ZMYM4: variants seen among roughly 807,000 people sequenced by gnomAD.
ZMYM4 encodes the protein zinc finger MYM-type containing 4.
Under a neutral mutation model 183.2 loss-of-function variants are expected in ZMYM4, and 31 were observed. The ratio of observed to expected loss-of-function variants is 0.17; its 90% CI spans 0.13 to 0.23. The LOEUF (loss-of-function observed/expected upper bound fraction) is 0.23. Among genes scored for constraint, ZMYM4 ranks in the 10% least tolerant of loss-of-function variants. ZMYM4 has a pLI of 1.00. For synonymous variants in ZMYM4, 592 were observed against 631.2 expected, an observed-to-expected ratio of 0.94 and a Z score of 0.93; for missense variants, 1,273 against 1,840.3, an observed-to-expected ratio of 0.69 and a Z score of 5.64.
At chr1:35,323,305 C>A (rs1032535886) in intron 1 of ZMYM4, among the ~76,000 whole-genome samples, 1 of 151,868 alleles carries the variant, frequency 6.6e-6, no homozygotes, top group African/African-American at 2.4e-5. Flanking sequence ...CCCGGCTGGA[C>A]AACTCCTTTG....
intron 5 of ZMYM4, among the ~76,000 whole-genome samples, chr1:35,367,428 C>T (rs1644112100): frequency 6.6e-6 from 1 of 151,902 alleles, no homozygotes. Flanking sequence ...AGGGTTTCAC[C>T]ATGTTGGCCA....
chr1:35,278,811 G>A (rs950353788), intron 1 of ZMYM4, among the ~76,000 whole-genome samples: 1 of 152,180 alleles, frequency 6.6e-6, no homozygotes, highest in African/African-American at 2.4e-5. Context: ...AATTAGGTAA[G>A]AGTATGGACT....
intron 7 of ZMYM4, 100 bp downstream of exon 7, chr1:35,370,727 CT>C (rs3066096): frequency 0.073 from 20,516 of 280,278 alleles, 11 homozygotes; most frequent in East Asian, 0.17. Flanking sequence ...ACATTTATTC[CT>C]TTTTTTTTTT....
chr1:35,300,550 A>G (rs956998601), intron 1 of ZMYM4, among the ~76,000 whole-genome samples: 2 of 152,140 alleles, frequency 1.3e-5, no homozygotes, highest in African/African-American at 2.4e-5. Context: ...TTATATGTAT[A>G]TTATATCACT....
chr1:35,307,539 A>ATTT (rs762414783), intron 1 of ZMYM4, among the ~76,000 whole-genome samples: 88 of 141,150 alleles, frequency 6.2e-4, no homozygotes, highest in Middle Eastern at 3.6e-3. Context: ...TATTATTATT[A>ATTT]TTATTTTTTT....
chr1:35,334,816 G>T (rs1229469315), intron 2 of ZMYM4, among the ~76,000 whole-genome samples: 1 of 152,004 alleles, frequency 6.6e-6, no homozygotes, highest in Admixed American at 6.6e-5. Context: ...CTCCCTTTTT[G>T]TGTCATCTTG....
rs144728410 is a variant in ZMYM4, at chr1:35,301,375, C to A, written c.40-23985C>A. 4.8e-3 allele frequency among the ~76,000 whole-genome samples: 725 copies of A among 152,046 alleles called. 22 individuals are homozygous for A. Among genetic ancestry groups the A allele is most frequent in the Admixed American group, 0.043 (660 of 15,250 alleles). On this transcript the variant is annotated intron_variant, in intron 1 of 29. Coordinates refer to ENST00000314607, the MANE Select transcript of ZMYM4 (RefSeq NM_005095.3). ...CAGCCTGGCCAACATGGTGAAACCT[C>A]GTCTCTACTAAAAGTACAAAATTAG...
chr1:35,347,946 G>A (rs1284869358), intron 2 of ZMYM4, among the ~76,000 whole-genome samples: 1 of 152,138 alleles, frequency 6.6e-6, no homozygotes, highest in Non-Finnish European at 1.5e-5. Context: ...ACAGTGATGT[G>A]CTTCAGTTTT....
rs1386837467 is a variant in ZMYM4 at position 35,419,835 on chromosome 1, A to G, written c.*158A>G. ...GTGAACCCCACAGTGTGGATGTGCA[A>G]ATGAAAATTGAAGGAAAGAATATGA... is the stretch of plus-strand genomic sequence containing the variant. On this transcript the variant is annotated 3_prime_UTR_variant, in exon 30 of 30. Transcript: ENST00000314607. The G allele has an allele frequency of 1.0e-5, 7 of 691,278 alleles. No homozygotes were observed. The highest frequency in any genetic ancestry group is 1.4e-5 in the Non-Finnish European group (6 of 416,336). The allele number at this position is 691,278 out of a possible 1,614,324, so 42.8% of individuals were successfully genotyped here.
chr1:35,334,137 G>A (rs1467655664), intron 2 of ZMYM4, among the ~76,000 whole-genome samples: 1 of 151,736 alleles, frequency 6.6e-6, no homozygotes, highest in Admixed American at 6.6e-5. Context: ...GCAACATGGC[G>A]AAACTCCATC....
In ZMYM4 at chr1:35,358,954, G is replaced by C; in HGVS notation, c.115G>C (p.Glu39Gln). 1 of 1,613,194 alleles carries C rather than the reference G, an allele frequency of 6.2e-7. No homozygotes were observed. The highest frequency in any genetic ancestry group is 8.5e-7 in the Non-Finnish European group (1 of 1,179,456). Reference protein sequence around the residue: ...CGGIMDTEMSEDIDHNLTPTL... With the variant: ...CGGIMDTEMSQDIDHNLTPTL... ...TGGTATCATGGATACAGAAATGTCT[G>C]AAGATATAGACCACAACTTAACTCC... The change falls in exon 3 of 30, where the codon GAA becomes CAA. Residue 39 changes from glutamate (E) to glutamine (Q), a missense_variant. Around this residue, in one of 6 missense-constraint regions of ZMYM4, gnomAD observed 384 missense variants for 465.6 expected, o/e 0.82. Transcript: ENST00000314607.
chr1:35,324,269 C>A (rs1642413677), intron 1 of ZMYM4, among the ~76,000 whole-genome samples: 1 of 151,764 alleles, frequency 6.6e-6, no homozygotes. Flanking sequence ...TTATCTTTTC[C>A]AACTTTTTGT....
At chr1:35,338,381 C>T (rs1188796814) in intron 2 of ZMYM4, among the ~76,000 whole-genome samples, 2 of 152,148 alleles carry the variant, frequency 1.3e-5, no homozygotes, top group Non-Finnish European at 2.9e-5. Flanking sequence ...GATCCTGCAA[C>T]CAAGCGTGGA....
At position 35,381,392 on chromosome 1, in the gene ZMYM4, A is replaced by G. The variant is rs749340362; in HGVS notation, c.1315A>G (p.Ser439Gly). 3 of 1,611,300 alleles carry G rather than the reference A, an allele frequency of 1.9e-6. No homozygotes were observed. Among genetic ancestry groups the G allele is most frequent in the Admixed American group, 1.7e-5 (1 of 59,450 alleles). ...KKPIVTINTN[S>G]ISTKCSMCQK... is the part of the protein sequence containing the mutation. ...ACCTATTGTTACCATAAATACAAATAGTATTTCAACCAAATGCAGCATGTG... is the reference window on the plus strand; with the variant it reads ...ACCTATTGTTACCATAAATACAAATGGTATTTCAACCAAATGCAGCATGTG... Residue 439 changes from serine to glycine, a missense_variant, in exon 8 of 30, where the codon AGT becomes GGT. By Grantham distance (56) the Ser-to-Gly change is moderately conservative (BLOSUM62 0). Transcript: ENST00000314607.
At position 35,418,639 on chromosome 1, in the gene ZMYM4, C is replaced by T. The variant is rs1640216035; in HGVS notation, c.4439+67C>T. 9.5e-6 allele frequency: 15 copies of T among 1,581,420 alleles called. No individual in the cohort carries two copies. The East Asian group carries it at 3.4e-4, about 36-fold the overall frequency. Reference sequence around the variant, plus strand: ...GTTAACATATTTTGGATTTCAGATGCTTGAACATCAGAAAAGTAGCTTGCC... The same window carrying T: ...GTTAACATATTTTGGATTTCAGATGTTTGAACATCAGAAAAGTAGCTTGCC... On this transcript the variant is annotated intron_variant, in intron 29 of 29. Coordinates refer to ENST00000314607, the MANE Select transcript of ZMYM4 (RefSeq NM_005095.3).
intron 17 of ZMYM4, 33 bp downstream of exon 17, chr1:35,392,717 T>A (rs1644732982): frequency 6.5e-7 from 1 of 1,545,916 alleles, no homozygotes; most frequent in East Asian, 2.3e-5. Context: ...GTATTGTCAC[T>A]GTATTTATTT....
intron 1 of ZMYM4, among the ~76,000 whole-genome samples, chr1:35,309,762 C>T (rs1437887219): frequency 6.6e-6 from 1 of 151,380 alleles, no homozygotes; most frequent in East Asian, 1.9e-4. Flanking sequence ...CCAGCCTGGC[C>T]GACAGAGTAA....
chr1:35,398,017 T>C (rs1011663910), intron 20 of ZMYM4, among the ~76,000 whole-genome samples: 1 of 152,238 alleles, frequency 6.6e-6, no homozygotes, highest in Non-Finnish European at 1.5e-5. Context: ...CTAGGCATTG[T>C]GCTCAGTGCA....
chr1:35,405,105 C>T lies in ZMYM4; in HGVS notation c.3611C>T (p.Thr1204Ile). 6.2e-7 allele frequency: 1 copy of T among 1,614,046 alleles called. No homozygotes were observed. Among genetic ancestry groups the T allele is most frequent in the Non-Finnish European group, 8.5e-7 (1 of 1,180,010 alleles). Residue 1204 changes from threonine to isoleucine, a missense_variant, in exon 24 of 30, where the codon ACA becomes ATA. By Grantham distance (89) the Thr-to-Ile change is moderately conservative (BLOSUM62 -1). Coordinates refer to ENST00000314607, the MANE Select transcript of ZMYM4 (RefSeq NM_005095.3). The stretch of plus-strand genomic sequence containing the variant: ...CAAGGCTGCTCAGTGTCCGGGATGA[C>T]ACTGAAATACATGTATGGGGTAAAT... Reference protein sequence around the residue: ...AFQGCSVSGMTLKYMYGVNAW... With the variant: ...AFQGCSVSGMILKYMYGVNAW...
Sources: gnomAD v4.1 joint callset for allele counts (sites outside exome capture counted in the v4.1 genomes callset) on GRCh38, gnomAD v4.1.1 for gene constraint, gnomAD v4.1.1 regional missense constraint, MANE v1.5 for transcripts, NCBI Gene and HGNC (gene_info 2026-07-23, HGNC 2026-07-21) for gene names.